The following FRMPD4 variants were observed in gnomAD, a reference collection of about 807,000 sequenced individuals.
The protein encoded by FRMPD4 is FERM and PDZ domain containing 4, also known as FERM and PDZ domain-containing protein 4.
A neutral mutation model predicts 94.1 loss-of-function variants in FRMPD4; 22 were observed. That is an observed-to-expected ratio of 0.23 (90% CI 0.17 to 0.33). FRMPD4 has a LOEUF of 0.33. Ranked by LOEUF, FRMPD4 falls within the 10% of genes least tolerant of loss-of-function variation. FRMPD4 has a pLI of 1.00. For missense variants in FRMPD4, 1,111 were observed against 1,339.9 expected, an observed-to-expected ratio of 0.83 and a Z score of 2.67; for synonymous variants, 631 against 548.6, an observed-to-expected ratio of 1.15 and a Z score of -2.10.
chrX:12,337,014 T>G (rs5979600), intron 1 of FRMPD4, among the ~76,000 whole-genome samples: 8,942 of 110,602 alleles, frequency 0.081, 914 homozygotes, highest in African/African-American at 0.28. Flanking sequence ...TCTGTGTGTG[T>G]TAGGAGGAAG....
intron 1 of FRMPD4, among the ~76,000 whole-genome samples, chrX:12,404,505 C>G (rs2148057234): frequency 8.9e-6 from 1 of 112,155 alleles, no homozygotes; most frequent in South Asian, 3.7e-4. Flanking sequence ...CTTTCATCAC[C>G]TCTAACTTCT....
chrX:12,155,853 T>A (rs957330071), intron 1 of FRMPD4, among the ~76,000 whole-genome samples: 7 of 111,363 alleles, frequency 6.3e-5, no homozygotes, highest in Non-Finnish European at 1.3e-4. Flanking sequence ...CCTGTTTTTT[T>A]AAAATAAAGT....
At chrX:11,970,474 A>G (rs781550264) in intron 3 of FRMPD4, among the ~76,000 whole-genome samples, 10 of 112,284 alleles carry the variant, frequency 8.9e-5, no homozygotes, top group Non-Finnish European at 1.5e-4. Flanking sequence ...GACTCTACCT[A>G]GAAAACAGGG....
At chrX:12,679,621 G>T (rs1238478501) in intron 5 of FRMPD4, among the ~76,000 whole-genome samples, 1 of 111,779 alleles carries the variant, frequency 8.9e-6, no homozygotes, top group African/African-American at 3.3e-5. Context: ...CTGTATGTGG[G>T]GATGTTGAGG....
intron 1 of FRMPD4, among the ~76,000 whole-genome samples, chrX:12,257,400 G>A (rs1009672995): frequency 1.8e-5 from 2 of 111,958 alleles, no homozygotes; most frequent in African/African-American, 3.2e-5. Flanking sequence ...ACATACAGGT[G>A]TACTTTGATT....
Position 12,707,647 on chromosome X carries a change from T to C in FRMPD4, c.1466T>C (p.Val489Ala). 8.4e-7 allele frequency: 1 copy of C among 1,192,806 alleles called. No individual in the cohort carries two copies. The highest frequency in any genetic ancestry group is 1.1e-6 in the Non-Finnish European group (1 of 882,852). Residue 489 changes from valine to alanine, a missense_variant, in exon 13 of 17, where the codon GTG becomes GCG. By Grantham distance (64) the Val-to-Ala change is moderately conservative. Coordinates refer to ENST00000675598, the MANE Select transcript of FRMPD4 (RefSeq NM_001368397.1). The part of the protein sequence containing the change: ...LVRVELHVLD[V>A]KPITLLMESS... ...CGGGTAGAACTCCACGTGCTAGATGTGAAGGCAAGTTTCTCAGGTGTTGAC... is the reference window on the plus strand; with the variant it reads ...CGGGTAGAACTCCACGTGCTAGATGCGAAGGCAAGTTTCTCAGGTGTTGAC...
chrX:12,638,212 G>A (rs2059460582), intron 4 of FRMPD4, among the ~76,000 whole-genome samples: 2 of 112,375 alleles, frequency 1.8e-5, no homozygotes, highest in Non-Finnish European at 3.8e-5. Context: ...AAAAAGGTGA[G>A]TAGGCACATG....
chrX:11,851,676 G>C (rs765466596), intron 1 of FRMPD4, among the ~76,000 whole-genome samples: 13 of 111,402 alleles, frequency 1.2e-4, no homozygotes, highest in Middle Eastern at 4.6e-3. Flanking sequence ...TCCTTTCCCT[G>C]TTCATTTCTT....
intron 3 of FRMPD4, among the ~76,000 whole-genome samples, chrX:11,899,788 T>A (rs1683740555): frequency 8.9e-6 from 1 of 112,524 alleles, no homozygotes; most frequent in Admixed American, 9.4e-5. Context: ...GCTATTACAA[T>A]CTGAATGTAA....
At chrX:11,954,372 G>A (rs180798561) in intron 3 of FRMPD4, among the ~76,000 whole-genome samples, 20 of 112,327 alleles carry the variant, frequency 1.8e-4, no homozygotes, top group African/African-American at 6.1e-4. Flanking sequence ...AGTAAATCTG[G>A]TACGTACAAT....
At chrX:12,199,366 G>T (rs2056605101) in intron 1 of FRMPD4, among the ~76,000 whole-genome samples, 1 of 109,145 alleles carries the variant, frequency 9.2e-6, no homozygotes, top group African/African-American at 3.4e-5. Context: ...TTTCCATTCT[G>T]AGACCCTTTG....
At chrX:12,542,328 A>G (rs1488283553) in intron 2 of FRMPD4, among the ~76,000 whole-genome samples, 2 of 112,270 alleles carry the variant, frequency 1.8e-5, no homozygotes, top group Admixed American at 1.9e-4. Context: ...ATGATTGTAT[A>G]TTAGACAACC....
intron 2 of FRMPD4, among the ~76,000 whole-genome samples, chrX:11,868,703 C>T: frequency 8.9e-6 from 1 of 112,088 alleles, no homozygotes; most frequent in Non-Finnish European, 1.9e-5. Flanking sequence ...ATAACCATAG[C>T]AAATAATGAA....
intron 1 of FRMPD4, among the ~76,000 whole-genome samples, chrX:12,336,905 GA>G (rs1470509420): frequency 9.0e-6 from 1 of 111,611 alleles, no homozygotes; most frequent in Admixed American, 9.6e-5. Flanking sequence ...AGTGAACCAA[GA>G]AAAGTGATCT....
At chrX:11,925,184 G>A (rs774001610) in intron 3 of FRMPD4, among the ~76,000 whole-genome samples, 4 of 110,014 alleles carry the variant, frequency 3.6e-5, no homozygotes, top group Admixed American at 1.9e-4. Context: ...AATGGTAAAG[G>A]GTTCAATTCA....
intron 3 of FRMPD4, among the ~76,000 whole-genome samples, chrX:12,008,451 T>C (rs1449878676): frequency 1.8e-5 from 2 of 112,476 alleles, no homozygotes; most frequent in Admixed American, 9.4e-5. Context: ...ACCAGAGGAA[T>C]TGGGCTAAGG....
At chrX:12,657,705 A>AT in intron 4 of FRMPD4, among the ~76,000 whole-genome samples, 1 of 112,096 alleles carries the variant, frequency 8.9e-6, no homozygotes, top group African/African-American at 3.2e-5. Flanking sequence ...TGAGCTGTAC[A>AT]CTCAAGGCAT....
At chrX:12,136,890 A>AACACACACAC (rs376427153), upstream of FRMPD4, among the ~76,000 whole-genome samples, 449 of 97,599 alleles carry the variant, frequency 4.6e-3, 3 homozygotes, top group Middle Eastern at 0.015. Flanking sequence ...TCTACGTTAA[A>AACACACACAC]ACACACACAC....
chrX:12,187,457 A>G (rs762112290), intron 1 of FRMPD4, among the ~76,000 whole-genome samples: 1 of 111,973 alleles, frequency 8.9e-6, no homozygotes, highest in South Asian at 3.7e-4. Flanking sequence ...TTGAATGGCT[A>G]TCCAATTTTA....
Sources: gnomAD v4.1 joint callset for allele counts (sites outside exome capture counted in the v4.1 genomes callset) on GRCh38, gnomAD v4.1.1 for gene constraint, MANE v1.5 for transcripts, NCBI Gene and HGNC (gene_info 2026-07-23, HGNC 2026-07-21) for gene names.